BARD1: variants seen among roughly 807,000 people sequenced by gnomAD.
The protein encoded by BARD1 is BRCA1 associated RING domain 1.
Under a neutral mutation model 77.0 loss-of-function variants are expected in BARD1, and 73 were observed. That is an observed-to-expected ratio of 0.95 (90% confidence interval 0.79 to 1.15). The LOEUF is 1.15. BARD1 is among the 50% of genes most tolerant of loss of function. The pLI, the probability that BARD1 is intolerant of heterozygous loss-of-function variation, is 0.00. For missense variants in BARD1, 993 were observed against 938.8 expected (o/e 1.06, Z -0.75); for synonymous variants, 384 against 338.0 (o/e 1.14, Z -1.49).
At chr2:214,794,607 T>C (rs1396461930) in intron 2 of BARD1, among the ~76,000 whole-genome samples, 1 of 152,180 alleles carries the variant, frequency 6.6e-6, no homozygotes, top group African/African-American at 2.4e-5. Flanking sequence ...AGTCTCAGTT[T>C]TGTACGGTAA....
chr2:214,728,189 T>C lies in BARD1; in HGVS notation c.*487A>G, dbSNP rs1264137832. ...AATATAGGATAAAGACAATTGCAGA[T>C]AGGAGAATTTAACACCTATGGTGGC... On this transcript the variant is annotated 3_prime_UTR_variant, in exon 11 of 11. Transcript: ENST00000260947. The C allele has an allele frequency of 1.3e-5, 3 of 229,282 alleles. No homozygotes were observed. The highest frequency in any genetic ancestry group is 4.5e-5 in the African/African-American group (2 of 44,218). 14.2% of individuals were successfully genotyped at this position (229,282 alleles called of 1,614,324 possible).
In BARD1 at chr2:214,797,101, C is replaced by T. The variant is rs1559441880; in HGVS notation, c.175G>A (p.Glu59Lys). ...TCACATCCTCCTAAACACACAGGCT[C>T]TCTCAGAATGTTAGTACTGTTTGAA... ...RCSRCTNILR[E>K]PVCLGGCEHI... Residue 59 changes from glutamate to lysine, a missense_variant, in exon 2 of 11, where the codon GAG (glutamate) becomes AAG (lysine). Coordinates refer to ENST00000260947, the MANE Select transcript of BARD1 (RefSeq NM_000465.4). The T allele has an allele frequency of 6.2e-7, 1 of 1,613,086 alleles. No individual in the cohort carries two copies. Among genetic ancestry groups the T allele is most frequent in the Non-Finnish European group, 8.5e-7 (1 of 1,179,212 alleles).
chr2:214,753,956 C>A (rs1047744197), intron 6 of BARD1, among the ~76,000 whole-genome samples: 1 of 152,062 alleles, frequency 6.6e-6, no homozygotes. Context: ...TATAATACAG[C>A]GGATTGCATT....
chr2:214,798,529 G>A (rs915472451), intron 1 of BARD1, among the ~76,000 whole-genome samples: 17 of 151,560 alleles, frequency 1.1e-4, no homozygotes, highest in African/African-American at 2.7e-4. Flanking sequence ...TTATTACATC[G>A]CCCTGGCCAA....
At chr2:214,751,103 GTGTGTGTGTGTGTGTATATATATATATA>G (rs57840413) in intron 7 of BARD1, among the ~76,000 whole-genome samples, 434 of 17,556 alleles carry the variant, frequency 0.025, 15 homozygotes, top group African/African-American at 0.055. Flanking sequence ...GTGTGTGTGT[GTGTGTGTGTGTGTGTATATATATATATA>G]TATATATATA....
At chr2:214,737,489 G>T (rs1372519775) in intron 9 of BARD1, among the ~76,000 whole-genome samples, 1 of 152,038 alleles carries the variant, frequency 6.6e-6, no homozygotes, top group African/African-American at 2.4e-5. Flanking sequence ...ACATGCTAAG[G>T]TTGCCACTGT....
rs576760373 is a variant in BARD1 at position 214,739,195 on chromosome 2, T to G, written c.1903+5872A>C. 2.2e-4 allele frequency among the ~76,000 whole-genome samples: 34 copies of G among 151,686 alleles called. No homozygotes were observed. Among genetic ancestry groups the G allele is most frequent in the Non-Finnish European group, 5.9e-5 (4 of 67,944 alleles). ...AATTAATGGCTATTTGTAACTGAAATAGCTATGGGAATCAGAATTAACCAC... is the reference window on the plus strand; with the variant it reads ...AATTAATGGCTATTTGTAACTGAAAGAGCTATGGGAATCAGAATTAACCAC... On this transcript the variant is annotated intron_variant, in intron 9 of 10. Coordinates refer to ENST00000260947, the MANE Select transcript of BARD1 (RefSeq NM_000465.4).
intron 10 of BARD1, 130 bp downstream of exon 10, chr2:214,730,280 GC>G: frequency 1.3e-6 from 1 of 758,496 alleles, no homozygotes; most frequent in Admixed American, 2.1e-5. Context: ...AGAATCAAGT[GC>G]TTGAAATAAG....
intron 4 of BARD1, among the ~76,000 whole-genome samples, chr2:214,773,534 C>T (rs1227689022): frequency 1.3e-5 from 2 of 152,004 alleles, no homozygotes; most frequent in South Asian, 4.1e-4. Flanking sequence ...GCAAATATTG[C>T]AATAAAACAA....
chr2:214,759,681 T>C (rs956246455), intron 6 of BARD1, among the ~76,000 whole-genome samples: 1 of 152,170 alleles, frequency 6.6e-6, no homozygotes, highest in African/African-American at 2.4e-5. Context: ...GACTTTCCAC[T>C]GTACATTCGA....
At chr2:214,730,759 A>C (rs550255355) in intron 9 of BARD1, 1 of 497,670 alleles carries the variant, frequency 2.0e-6, no homozygotes, top group Admixed American at 2.9e-5. Flanking sequence ...CTGAACACTA[A>C]CTGTAATTTT....
chr2:214,759,011 A>G (rs1693826823), intron 6 of BARD1, among the ~76,000 whole-genome samples: 9 of 152,254 alleles, frequency 5.9e-5, no homozygotes, highest in Admixed American at 5.9e-4. Context: ...CCCTTCATGA[A>G]TAACTACAAA....
rs758049210 is a variant in BARD1, at chr2:214,780,574, T to A, written c.1300A>T (p.Ile434Phe). 2.5e-6 allele frequency: 4 copies of A among 1,613,712 alleles called. No individual in the cohort carries two copies. Among genetic ancestry groups the A allele is most frequent in the African/African-American group, 1.3e-5 (1 of 74,932 alleles). ...AAGCATCCTACCTTAATAGAAGCAA[T>A]ATGGAGCAAAGTCTCTCCTCTATGA... ...RNHRGETLLHIASIKGDIPSV... is the reference protein window; with the variant it reads ...RNHRGETLLHFASIKGDIPSV... Residue 434 changes from isoleucine (I) to phenylalanine (F), a missense_variant, in exon 4 of 11, where the codon ATT (isoleucine) becomes TTT (phenylalanine). By Grantham distance (21) the Ile-to-Phe change is conservative. Transcript: ENST00000260947.
At chr2:214,806,345 A>C (rs966612878) in intron 1 of BARD1, among the ~76,000 whole-genome samples, 2 of 152,232 alleles carry the variant, frequency 1.3e-5, no homozygotes, top group African/African-American at 2.4e-5. Flanking sequence ...ACATACTGAC[A>C]CAATTTCAAA....
In BARD1 at chr2:214,751,151, A is replaced by ATTTTTTT. The variant is rs60746999; in HGVS notation, c.1677+1289_1677+1295dup. On this transcript the variant is annotated intron_variant, in intron 7 of 10. Transcript: ENST00000260947. ...TATATATATATATATATATATATAT[A>ATTTTTTT]TTTTTTTTTTTTTTTTTTTTTTTTT... 4.3e-4 allele frequency among the ~76,000 whole-genome samples: 16 copies of ATTTTTTT among 37,170 alleles called. 2 individuals are homozygous for ATTTTTTT. Among genetic ancestry groups the ATTTTTTT allele is most frequent in the South Asian group, 1.1e-3 (1 of 916 alleles). The allele number at this position is 37,170 out of a possible 152,430, so 24.4% of individuals were successfully genotyped here.
At chr2:214,808,190 A>T (rs1290631064) in intron 1 of BARD1, among the ~76,000 whole-genome samples, 1 of 152,172 alleles carries the variant, frequency 6.6e-6, no homozygotes, top group Admixed American at 6.5e-5. Flanking sequence ...CGGGCGGATC[A>T]CGAGGTCAGG....
rs1129804 is a variant in BARD1 at position 214,809,599 on chromosome 2, C to G, written c.-30G>C. On this transcript the variant is annotated 5_prime_UTR_variant, in exon 1 of 11. Transcript: ENST00000260947. ...CCGCCTTCGGATGAAAGGCTCCTCG[C>G]AGAGCGGGAAGCAAGGAAGCCTCGG... 0.71 allele frequency: 1,092,788 copies of G among 1,529,042 alleles called. 391,704 individuals are homozygous for G. The highest frequency in any genetic ancestry group is 0.8 in the Admixed American group (40,949 of 51,034). 94.7% of individuals were successfully genotyped at this position (1,529,042 alleles called of 1,614,324 possible).
chr2:214,783,894 A>G (rs1426971518), intron 3 of BARD1, among the ~76,000 whole-genome samples: 1 of 152,182 alleles, frequency 6.6e-6, no homozygotes, highest in Non-Finnish European at 1.5e-5. Context: ...ACTTAAACAT[A>G]AGACCTAAAA....
At chr2:214,796,503 C>T (rs1329056240) in intron 2 of BARD1, among the ~76,000 whole-genome samples, 2 of 152,142 alleles carry the variant, frequency 1.3e-5, no homozygotes, top group Admixed American at 6.5e-5. Context: ...CAGAGTGATA[C>T]ATCTCCAAGT....
Sources: allele counts gnomAD v4.1 joint callset (sites outside exome capture counted in the v4.1 genomes callset), GRCh38; gene constraint gnomAD v4.1.1; transcripts MANE v1.5; gene names NCBI Gene and HGNC (gene_info 2026-07-23, HGNC 2026-07-21).